Variants in RBFOX1 observed in about 807,000 individuals in gnomAD.
RBFOX1 encodes the protein RNA binding protein fox-1 homolog 1.
A neutral mutation model predicts 57.7 loss-of-function variants in RBFOX1; 8 were observed. The observed-to-expected ratio is 0.14, with a 90% CI of 0.08 to 0.25. RBFOX1 has a LOEUF of 0.25. RBFOX1 is among the 10% of genes least tolerant of loss of function. The pLI is 1.00. For synonymous variants in RBFOX1, 326 were observed against 222.4 expected (o/e 1.47, Z -4.15); for missense variants, 611 against 548.5 (o/e 1.11, Z -1.14).
intron 3 of RBFOX1, among the ~76,000 whole-genome samples, chr16:5,628,629 C>T (rs1000511926): frequency 6.6e-6 from 1 of 152,162 alleles, no homozygotes; most frequent in African/African-American, 2.4e-5. Context: ...GAAGATACCC[C>T]AAGAACCCAC....
At chr16:5,338,255 G>T (rs1158183306) in intron 1 of RBFOX1, among the ~76,000 whole-genome samples, 1 of 152,054 alleles carries the variant, frequency 6.6e-6, no homozygotes, top group Non-Finnish European at 1.5e-5. Context: ...CAGAATCTTG[G>T]CCATAGCTGA....
At chr16:7,666,160 G>A (rs964384125) in intron 13 of RBFOX1, among the ~76,000 whole-genome samples, 2 of 152,240 alleles carry the variant, frequency 1.3e-5, no homozygotes, top group African/African-American at 4.8e-5. Flanking sequence ...GGGCTGAGCA[G>A]TCTGAAGCCC....
chr16:7,205,779 C>A (rs2089839892), intron 4 of RBFOX1, among the ~76,000 whole-genome samples: 1 of 152,220 alleles, frequency 6.6e-6, no homozygotes, highest in Admixed American at 6.5e-5. Flanking sequence ...AGTGCAGGGA[C>A]TGCAGTGATT....
In RBFOX1 at chr16:7,238,846, C is replaced by T. The variant is rs116852985; in HGVS notation, c.27+186748C>T. 4.6e-3 allele frequency among the ~76,000 whole-genome samples: 703 copies of T among 152,228 alleles called. 14 individuals are homozygous for T. The highest frequency in any genetic ancestry group is 0.039 in the South Asian group (188 of 4,828). On this transcript the variant is annotated intron_variant, in intron 4 of 15. Transcript: ENST00000550418. ...TGTGTTGTTCCCCTCTATGTGTCCA[C>T]GTGTTTTTATCATTTAGCTCCCACT...
intron 4 of RBFOX1, among the ~76,000 whole-genome samples, chr16:7,185,293 C>G (rs1054114666): frequency 3.3e-5 from 5 of 151,898 alleles, no homozygotes; most frequent in Non-Finnish European, 5.9e-5. Flanking sequence ...TTTTTTTTCC[C>G]TAATGATTCT....
At chr16:6,258,476 C>G (rs1282914928) in intron 1 of RBFOX1, among the ~76,000 whole-genome samples, 1 of 152,184 alleles carries the variant, frequency 6.6e-6, no homozygotes, top group African/African-American at 2.4e-5. Flanking sequence ...GAATTTTACA[C>G]TCTGTTTCCA....
chr16:7,274,004 C>A (rs377115202), intron 4 of RBFOX1, among the ~76,000 whole-genome samples: 3 of 152,322 alleles, frequency 2.0e-5, no homozygotes, highest in East Asian at 1.9e-4. Context: ...GAAGGACCCT[C>A]CTTTCCACTA....
At position 6,999,309 on chromosome 16, in the gene RBFOX1, G is replaced by A. The variant is rs552932822; in HGVS notation, c.-15-52748G>A. ...TGGGTTCAAGCGGTCCACCTGCCTCGGCCTCCAAAAGTGATGGGATGACAG... is the reference window on the plus strand; with the variant it reads ...TGGGTTCAAGCGGTCCACCTGCCTCAGCCTCCAAAAGTGATGGGATGACAG... On this transcript the variant is annotated intron_variant, in intron 3 of 15. Transcript: ENST00000550418. Among the ~76,000 whole-genome samples the A allele has an allele frequency of 3.1e-3, 456 of 149,118 alleles. 3 individuals carry two copies. The highest frequency in any genetic ancestry group is 9.5e-3 in the African/African-American group (385 of 40,370).
chr16:5,256,629 T>G (rs4786016), intron 1 of RBFOX1, among the ~76,000 whole-genome samples: 51,228 of 151,928 alleles, frequency 0.34, 8,816 homozygotes, highest in African/African-American at 0.42. Flanking sequence ...CCTCGAAGCT[T>G]TCTATTAAAA....
At chr16:7,017,363 C>T (rs561756260) in intron 3 of RBFOX1, among the ~76,000 whole-genome samples, 2 of 152,266 alleles carry the variant, frequency 1.3e-5, no homozygotes, top group East Asian at 3.9e-4. Flanking sequence ...AAATGCAGTG[C>T]TAACGGAGCT....
At chr16:6,077,869 C>T (rs576762104) in intron 1 of RBFOX1, among the ~76,000 whole-genome samples, 57 of 152,076 alleles carry the variant, frequency 3.7e-4, no homozygotes, top group Admixed American at 2.0e-3. Flanking sequence ...CATGATATGA[C>T]GGTTGTGACT....
chr16:5,469,796 C>G (rs2069073650), intron 2 of RBFOX1, among the ~76,000 whole-genome samples: 1 of 152,184 alleles, frequency 6.6e-6, no homozygotes, highest in African/African-American at 2.4e-5. Context: ...TTTCATTCAG[C>G]ACAATGTTTT....
chr16:6,247,317 C>G (rs1202968206), intron 1 of RBFOX1, among the ~76,000 whole-genome samples: 1 of 152,184 alleles, frequency 6.6e-6, no homozygotes, highest in Non-Finnish European at 1.5e-5. Flanking sequence ...AAGCCTTGGT[C>G]TTGAATCACG....
intron 4 of RBFOX1, among the ~76,000 whole-genome samples, chr16:7,168,822 T>G (rs957639936): frequency 6.6e-6 from 1 of 152,208 alleles, no homozygotes; most frequent in Non-Finnish European, 1.5e-5. Flanking sequence ...AATGAATAAT[T>G]CATGCAGTCT....
intron 1 of RBFOX1, among the ~76,000 whole-genome samples, chr16:6,034,769 C>T (rs1386421849): frequency 2.0e-5 from 3 of 152,096 alleles, no homozygotes; most frequent in Non-Finnish European, 1.5e-5. Flanking sequence ...TTTAATTCCA[C>T]GTTCACATCT....
intron 4 of RBFOX1, among the ~76,000 whole-genome samples, chr16:7,209,488 C>T (rs559644421): frequency 6.6e-6 from 1 of 152,190 alleles, no homozygotes; most frequent in Non-Finnish European, 1.5e-5. Context: ...TTTGCACTTG[C>T]AGTTGGCTCC....
chr16:6,614,093 A>G lies in RBFOX1; in HGVS notation c.-63-40510A>G, dbSNP rs1321778898. The stretch of plus-strand genomic sequence containing the variant: ...AGTTGCTTTATTGTTTGTAGATTTT[A>G]TAACGAATAGGTAATATTTTTGGAA... On this transcript the variant is annotated intron_variant, in intron 2 of 15. Coordinates refer to ENST00000550418, the MANE Select transcript of RBFOX1 (RefSeq NM_018723.4). Among the ~76,000 whole-genome samples the G allele has an allele frequency of 2.0e-5, 3 of 152,308 alleles. No individual in the cohort carries two copies. The South Asian group carries it at 6.2e-4, about 32-fold the overall frequency.
intron 3 of RBFOX1, among the ~76,000 whole-genome samples, chr16:5,817,327 C>G (rs868126203): frequency 6.6e-6 from 1 of 152,166 alleles, no homozygotes; most frequent in African/African-American, 2.4e-5. Context: ...CTTCTTAAAG[C>G]GAGCTTGCTG....
At chr16:5,696,047 T>C (rs1475804467) in intron 3 of RBFOX1, among the ~76,000 whole-genome samples, 3 of 152,188 alleles carry the variant, frequency 2.0e-5, no homozygotes, top group African/African-American at 7.2e-5. Flanking sequence ...TGAATACAAA[T>C]AGCTAAATCC....
Sources: gnomAD v4.1 joint callset for allele counts (sites outside exome capture counted in the v4.1 genomes callset) on GRCh38, gnomAD v4.1.1 for gene constraint, MANE v1.5 for transcripts, NCBI Gene and HGNC (gene_info 2026-07-23, HGNC 2026-07-21) for gene names.